The following SLCO6A1 variants were observed in gnomAD, a reference collection of about 807,000 sequenced individuals.
SLCO6A1 encodes the protein solute carrier organic anion transporter family member 6A1.
In SLCO6A1, 65 loss-of-function variants were observed where a neutral mutation model predicts 72.7. The ratio of observed to expected loss-of-function variants is 0.89; its 90% confidence interval spans 0.73 to 1.10. The LOEUF is 1.10. SLCO6A1 is among the 50% of genes least tolerant of loss of function. The pLI, the probability that SLCO6A1 is intolerant of heterozygous loss-of-function variation, is 0.00. For synonymous variants in SLCO6A1, 314 were observed against 298.2 expected (o/e 1.05, Z -0.55); for missense variants, 874 against 872.6 (o/e 1.00, Z -0.02).
chr5:102,439,797 A>G (rs1328634038), intron 6 of SLCO6A1, among the ~76,000 whole-genome samples: 1 of 152,194 alleles, frequency 6.6e-6, no homozygotes, highest in African/African-American at 2.4e-5. Flanking sequence ...TCCAGAATGT[A>G]TCAGGTTACA....
At chr5:102,424,091 G>A (rs1466679235) in intron 7 of SLCO6A1, among the ~76,000 whole-genome samples, 1 of 150,648 alleles carries the variant, frequency 6.6e-6, no homozygotes, top group Non-Finnish European at 1.5e-5. Context: ...CTAAGACAAG[G>A]TACCAGAATC....
chr5:102,462,240 C>T (rs965149996), intron 4 of SLCO6A1, among the ~76,000 whole-genome samples: 1 of 152,090 alleles, frequency 6.6e-6, no homozygotes, highest in African/African-American at 2.4e-5. Context: ...TCATAGGTGA[C>T]ACAAATGAAT....
intron 1 of SLCO6A1, among the ~76,000 whole-genome samples, chr5:102,497,113 A>G (rs1752940469): frequency 6.6e-6 from 1 of 152,228 alleles, no homozygotes; most frequent in South Asian, 2.1e-4. Flanking sequence ...GTCAAATTCC[A>G]ATGCCATCAT....
intron 5 of SLCO6A1, 83 bp downstream of exon 5, chr5:102,459,573 T>C (rs1750914501): frequency 7.2e-7 from 1 of 1,393,024 alleles, no homozygotes; most frequent in African/African-American, 1.5e-5. Flanking sequence ...ATTAAAAATG[T>C]AATACAGTCA....
intron 8 of SLCO6A1, among the ~76,000 whole-genome samples, chr5:102,416,106 TG>T (rs972129180): frequency 6.7e-6 from 1 of 149,652 alleles, no homozygotes; most frequent in Non-Finnish European, 1.5e-5. Flanking sequence ...ACACGGTTGG[TG>T]GGAATGTAAA....
At chr5:102,459,073 C>T (rs1561479568) in intron 5 of SLCO6A1, among the ~76,000 whole-genome samples, 1 of 152,010 alleles carries the variant, frequency 6.6e-6, no homozygotes, top group Non-Finnish European at 1.5e-5. Flanking sequence ...TATAAAGCAT[C>T]TTTAAAAGGA....
At chr5:102,378,170 A>C (rs1217227824) in intron 12 of SLCO6A1, among the ~76,000 whole-genome samples, 4 of 151,964 alleles carry the variant, frequency 2.6e-5, no homozygotes, top group Non-Finnish European at 5.9e-5. Flanking sequence ...TTTAAATTAT[A>C]CTTTAAGTTT....
intron 12 of SLCO6A1, among the ~76,000 whole-genome samples, chr5:102,381,233 C>T (rs932938848): frequency 6.6e-6 from 1 of 151,706 alleles, no homozygotes; most frequent in Non-Finnish European, 1.5e-5. Context: ...TCTCATTTCC[C>T]ATTTCCATCA....
intron 10 of SLCO6A1, among the ~76,000 whole-genome samples, chr5:102,396,406 A>G (rs1747087239): frequency 6.6e-6 from 1 of 152,146 alleles, no homozygotes. Flanking sequence ...TTGTGAGGCT[A>G]GGCATCAATT....
Position 102,459,795 on chromosome 5 carries a change from G to GAA in SLCO6A1, c.900-20_900-19dup, listed in dbSNP as rs148394431. 3.4e-4 allele frequency: 458 copies of GAA among 1,337,706 alleles called. 2 individuals are homozygous for GAA. The highest frequency in any genetic ancestry group is 4.0e-4 in the Non-Finnish European group (402 of 1,009,242). The allele number at this position is 1,337,706 out of a possible 1,614,324, so 82.9% of individuals were successfully genotyped here. On this transcript the variant is annotated intron_variant, in intron 4 of 13. Coordinates refer to ENST00000506729, the MANE Select transcript of SLCO6A1 (RefSeq NM_173488.5). Reference sequence around the variant, plus strand: ...CTGTAGTGCTTTAATAAAGAAAAGTGAAAAAAAAAAGCAACTTTAGGTATT... The same window carrying GAA: ...CTGTAGTGCTTTAATAAAGAAAAGTGAAAAAAAAAAAAGCAACTTTAGGTATT...
At position 102,399,733 on chromosome 5, in the gene SLCO6A1, T is replaced by C; in HGVS notation, c.1636A>G (p.Asn546Asp). ...KAQNQKKMYY[N>D]CSCIKEGLIT... ...AATCCTTCTTTAATGCAAGAACAAT[T>C]GTAGTACATCTGTGAGTATTGAAGA... Residue 546 changes from asparagine to aspartate, a missense_variant, in exon 10 of 14, where the codon AAT becomes GAT. Asn to Asp is a conservative substitution (Grantham distance 23). Coordinates refer to ENST00000506729, the MANE Select transcript of SLCO6A1 (RefSeq NM_173488.5). 3 of 1,574,010 alleles carry C rather than the reference T, an allele frequency of 1.9e-6. No individual in the cohort carries two copies. Among genetic ancestry groups the C allele is most frequent in the Non-Finnish European group, 1.7e-6 (2 of 1,156,106 alleles).
chr5:102,388,659 C>A (rs751849218), intron 12 of SLCO6A1, 29 bp downstream of exon 12: 3 of 1,416,152 alleles, frequency 2.1e-6, no homozygotes, highest in Non-Finnish European at 2.9e-6. Context: ...AATTTTATTT[C>A]TCTAAGTTTT....
chr5:102,491,926 G>A (rs1348549903), intron 1 of SLCO6A1, among the ~76,000 whole-genome samples: 1 of 152,260 alleles, frequency 6.6e-6, no homozygotes, highest in Non-Finnish European at 1.5e-5. Context: ...TCTGCAGGCT[G>A]TACAGAAAGC....
intron 6 of SLCO6A1, among the ~76,000 whole-genome samples, chr5:102,455,027 T>TATATATATATATATATATATAA (rs144619414): frequency 7.1e-6 from 1 of 141,830 alleles, no homozygotes; most frequent in African/African-American, 2.7e-5. Context: ...TATATATATA[T>TATATATATATATATATATATAA]AAATTATGTT....
chr5:102,457,097 T>C (rs1388190603), intron 6 of SLCO6A1, among the ~76,000 whole-genome samples: 4 of 152,078 alleles, frequency 2.6e-5, no homozygotes, highest in Non-Finnish European at 5.9e-5. Flanking sequence ...ATACAAAAAT[T>C]AATTCAAGAT....
In SLCO6A1 at chr5:102,382,237, T is replaced by A. The variant is rs1471197349; in HGVS notation, c.2017+6451A>T. 3.3e-5 allele frequency among the ~76,000 whole-genome samples: 5 copies of A among 151,920 alleles called. No homozygotes were observed. The East Asian group carries it at 9.7e-4, about 29-fold the overall frequency. On this transcript the variant is annotated intron_variant, in intron 12 of 13. Transcript: ENST00000506729. ...GCTATCCTGTTTTCTCTGTGCCATT[T>A]ATTGAAAAGACTGTCCCATTGTGTG...
At chr5:102,496,556 A>G (rs1561508166) in intron 1 of SLCO6A1, among the ~76,000 whole-genome samples, 1 of 152,202 alleles carries the variant, frequency 6.6e-6, no homozygotes, top group Non-Finnish European at 1.5e-5. Context: ...ACTAAACTAG[A>G]TAATACTTGC....
chr5:102,452,427 T>A (rs560919009), intron 6 of SLCO6A1, among the ~76,000 whole-genome samples: 9 of 152,302 alleles, frequency 5.9e-5, no homozygotes, highest in African/African-American at 2.2e-4. Context: ...GTAGCTTTTT[T>A]CTTATCCTCT....
intron 7 of SLCO6A1, among the ~76,000 whole-genome samples, chr5:102,434,662 G>A (rs1217759339): frequency 1.3e-5 from 2 of 152,168 alleles, no homozygotes; most frequent in Non-Finnish European, 2.9e-5. Context: ...TGCTAACAGA[G>A]ACGTGGCTTT....
Sources: allele counts gnomAD v4.1 joint callset (sites outside exome capture counted in the v4.1 genomes callset), GRCh38; gene constraint gnomAD v4.1.1; transcripts MANE v1.5; gene names NCBI Gene and HGNC (gene_info 2026-07-23, HGNC 2026-07-21).